C4orf33: variants seen among roughly 807,000 people sequenced by gnomAD.
The protein encoded by C4orf33 is chromosome 4 open reading frame 33.
C4orf33 carries 20 observed loss-of-function variants against 24.3 expected under a neutral mutation model. That is an observed-to-expected ratio of 0.82 (90% CI 0.58 to 1.19). The LOEUF is 1.19. C4orf33 is among the 50% of genes most tolerant of loss of function. C4orf33 has a pLI of 0.00. For synonymous variants in C4orf33, 67 were observed against 76.4 expected (o/e 0.88, Z 0.64); for missense variants, 207 against 225.9 (o/e 0.92, Z 0.54).
chr4:129,105,239 T>C (rs928492567), intron 2 of C4orf33, among the ~76,000 whole-genome samples: 1 of 152,148 alleles, frequency 6.6e-6, no homozygotes, highest in Non-Finnish European at 1.5e-5. Context: ...CTGAAGGCTG[T>C]CTGCTGGTAG....
At chr4:129,096,674 T>A (rs1032812145) in intron 1 of C4orf33, among the ~76,000 whole-genome samples, 1 of 152,208 alleles carries the variant, frequency 6.6e-6, no homozygotes, top group Non-Finnish European at 1.5e-5. Flanking sequence ...TTTATTTTTT[T>A]AACTTGTTTT....
intron 2 of C4orf33, 151 bp downstream of exon 2, chr4:129,102,942 G>A: frequency 1.7e-6 from 1 of 579,972 alleles, no homozygotes; most frequent in Non-Finnish European, 2.8e-6. Flanking sequence ...CTCTCATTCT[G>A]ACTTTTTCTC....
chr4:129,102,514 G>C, intron 1 of C4orf33, 88 bp from the exon 2 acceptor site: 1 of 985,774 alleles, frequency 1.0e-6, no homozygotes, highest in Non-Finnish European at 1.5e-6. Context: ...CCCGTCTGCT[G>C]TTTGGCATTG....
At chr4:129,109,872 G>A in intron 5 of C4orf33, 200 bp downstream of exon 5, 1 of 998,444 alleles carries the variant, frequency 1.0e-6, no homozygotes, top group South Asian at 2.0e-5. Flanking sequence ...ACTACTGTCA[G>A]TAGAGCACTT....
intron 1 of C4orf33, among the ~76,000 whole-genome samples, chr4:129,102,394 T>G (rs1753382059): frequency 1.3e-5 from 2 of 152,330 alleles, no homozygotes; most frequent in Non-Finnish European, 1.5e-5. Context: ...TTTTAAAACC[T>G]CTAGGAACTA....
intron 3 of C4orf33, among the ~76,000 whole-genome samples, chr4:129,109,044 G>T (rs28643269): frequency 0.063 from 9,599 of 152,194 alleles, 383 homozygotes; most frequent in African/African-American, 0.11. Flanking sequence ...ACGCCACCAT[G>T]CCTGGCTAAT....
intron 1 of C4orf33, among the ~76,000 whole-genome samples, chr4:129,098,873 A>C (rs971132228): frequency 8.8e-6 from 1 of 113,242 alleles, no homozygotes; most frequent in African/African-American, 2.7e-5. Flanking sequence ...GTAAACTGTC[A>C]TGCCACTGTT....
chr4:129,095,554 T>G (rs535481170), upstream of C4orf33, among the ~76,000 whole-genome samples: 8 of 152,334 alleles, frequency 5.3e-5, no homozygotes, highest in East Asian at 9.6e-4. Context: ...ATGACTTTTC[T>G]GCAATAAAGA....
At chr4:129,101,156 T>C (rs1338789843) in intron 1 of C4orf33, among the ~76,000 whole-genome samples, 1 of 152,164 alleles carries the variant, frequency 6.6e-6, no homozygotes, top group Non-Finnish European at 1.5e-5. Flanking sequence ...TCTAGTAAAA[T>C]TTGCGAGCAT....
intron 1 of C4orf33, among the ~76,000 whole-genome samples, chr4:129,097,346 C>T (rs1753237457): frequency 6.6e-6 from 1 of 152,166 alleles, no homozygotes; most frequent in Admixed American, 6.5e-5. Flanking sequence ...CAGATAATTC[C>T]CTTCAGGGAA....
intron 1 of C4orf33, among the ~76,000 whole-genome samples, chr4:129,101,937 G>A (rs1490742781): frequency 6.6e-6 from 1 of 152,096 alleles, no homozygotes; most frequent in Non-Finnish European, 1.5e-5. Flanking sequence ...ACAAAGGAAG[G>A]CAAAATTCAA....
chr4:129,096,373 T>TC (rs1180921994), intron 1 of C4orf33, 164 bp downstream of exon 1: 1 of 152,226 alleles, frequency 6.6e-6, no homozygotes, highest in African/African-American at 2.4e-5. Flanking sequence ...TCCTCATTTC[T>TC]CCGTTTCCCT....
At chr4:129,097,255 C>CTG (rs1245628223) in intron 1 of C4orf33, among the ~76,000 whole-genome samples, 1 of 152,170 alleles carries the variant, frequency 6.6e-6, no homozygotes, top group Non-Finnish European at 1.5e-5. Flanking sequence ...TAATGCATGT[C>CTG]TGTCATAGTG....
intron 1 of C4orf33, chr4:129,100,834 A>T (rs1753330455): frequency 6.6e-6 from 1 of 152,208 alleles, no homozygotes; most frequent in African/African-American, 2.4e-5. Context: ...CAGCATTTCT[A>T]ACGTCTTGAT....
chr4:129,099,250 T>G (rs1753283663), intron 1 of C4orf33, among the ~76,000 whole-genome samples: 1 of 152,182 alleles, frequency 6.6e-6, no homozygotes, highest in Admixed American at 6.6e-5. Flanking sequence ...GGTACCTCAT[T>G]GATTAGTTAC....
Position 129,111,822 on chromosome 4 carries a change from TC to T in C4orf33, c.*33del, listed in dbSNP as rs1219592199. On this transcript the variant is annotated 3_prime_UTR_variant, in exon 6 of 6. Transcript: ENST00000425929. Reference sequence around the variant, plus strand: ...ATAGATAACCATACCGATCATTTTTTCCTCTATACCTTTTAAGATAAACAAA... The same window carrying T: ...ATAGATAACCATACCGATCATTTTTTCTCTATACCTTTTAAGATAAACAAA... 7.8e-7 allele frequency: 1 copy of T among 1,274,342 alleles called. No homozygotes were observed. The highest frequency in any genetic ancestry group is 1.5e-5 in the African/African-American group (1 of 67,356). The allele number at this position is 1,274,342 out of a possible 1,614,324, so 78.9% of individuals were successfully genotyped here. A position where few individuals can be genotyped will look rare whatever the true frequency, so the allele number is the denominator to read the frequency against.
In C4orf33 at chr4:129,105,495, C is replaced by T. The variant is rs1400291509; in HGVS notation, c.182-1092C>T. Among the ~76,000 whole-genome samples, 3 of 152,036 alleles carry T rather than the reference C, an allele frequency of 2.0e-5. No individual in the cohort carries two copies. In the East Asian group the frequency reaches 5.8e-4, roughly 29 times the overall value. On this transcript the variant is annotated intron_variant, in intron 2 of 5. Transcript: ENST00000425929. ...TATCACAGTAGACATTCTAATTTGT[C>T]TATATAAAAGATTTAAAAAGGGACA...
chr4:129,102,906 T>C, intron 2 of C4orf33, 115 bp downstream of exon 2: 2 of 847,208 alleles, frequency 2.4e-6, no homozygotes, highest in East Asian at 2.8e-5. Context: ...AATTGACATG[T>C]ACAGTTTCTG....
At chr4:129,107,445 A>G (rs1254916640) in intron 3 of C4orf33, among the ~76,000 whole-genome samples, 1 of 152,030 alleles carries the variant, frequency 6.6e-6, no homozygotes, top group Non-Finnish European at 1.5e-5. Context: ...AATGCCTCTC[A>G]GTGTCTAACA....
Sources: allele counts gnomAD v4.1 joint callset (sites outside exome capture counted in the v4.1 genomes callset), GRCh38; gene constraint gnomAD v4.1.1; transcripts MANE v1.5; gene names NCBI Gene and HGNC (gene_info 2026-07-23, HGNC 2026-07-21).